SGMS1: variants seen among roughly 807,000 people sequenced by gnomAD.
SGMS1 encodes sphingomyelin synthase 1.
In SGMS1, 13 loss-of-function variants were observed where a neutral mutation model predicts 46.2. The ratio of observed to expected loss-of-function variants is 0.28; its 90% confidence interval spans 0.18 to 0.45. SGMS1 has a LOEUF of 0.45. SGMS1 is among the 20% of genes least tolerant of loss of function. SGMS1 has a pLI of 1.00. For missense variants in SGMS1, 324 were observed against 519.9 expected (o/e 0.62, Z 3.66); for synonymous variants, 203 against 187.8 (o/e 1.08, Z -0.66).
chr10:50,368,524 T>G (rs937843232), intron 6 of SGMS1, among the ~76,000 whole-genome samples: 1 of 152,190 alleles, frequency 6.6e-6, no homozygotes, highest in Non-Finnish European at 1.5e-5. Flanking sequence ...GCCCAGCTAA[T>G]TTTTGTATTT....
chr10:50,509,368 A>C (rs1393521016), intron 3 of SGMS1, among the ~76,000 whole-genome samples: 1 of 152,210 alleles, frequency 6.6e-6, no homozygotes, highest in Non-Finnish European at 1.5e-5. Flanking sequence ...TTAGAGAGTG[A>C]TTAAATTAGC....
In SGMS1 at chr10:50,308,938, T is replaced by A. The variant is rs542039566; in HGVS notation, c.896-790A>T. 3.3e-4 allele frequency among the ~76,000 whole-genome samples: 50 copies of A among 152,320 alleles called. 1 individual carries two copies. The East Asian group carries it at 9.1e-3, about 28-fold the overall frequency. On this transcript the variant is annotated intron_variant, in intron 9 of 10. Transcript: ENST00000361781. Reference sequence around the variant, plus strand: ...AATGGGTCCAAGAACCAGTCATTCATTCAACCAATATTCATTGAGCCTCTT... The same window carrying A: ...AATGGGTCCAAGAACCAGTCATTCAATCAACCAATATTCATTGAGCCTCTT...
At chr10:50,504,706 T>G (rs1242690427) in intron 3 of SGMS1, among the ~76,000 whole-genome samples, 3 of 152,214 alleles carry the variant, frequency 2.0e-5, no homozygotes, top group Non-Finnish European at 2.9e-5. Context: ...GTTCATTTTT[T>G]TTTTAAAGTA....
chr10:50,443,137 G>C (rs11005708), intron 5 of SGMS1, among the ~76,000 whole-genome samples: 19,944 of 152,160 alleles, frequency 0.13, 1,430 homozygotes, highest in Middle Eastern at 0.21. Context: ...CTCAGCTGGA[G>C]AGAACAAATA....
chr10:50,427,378 AAC>A (rs1283721058), intron 6 of SGMS1, among the ~76,000 whole-genome samples: 1 of 152,206 alleles, frequency 6.6e-6, no homozygotes, highest in Non-Finnish European at 1.5e-5. Flanking sequence ...CAGCCTGTGT[AAC>A]AGAGCGAGAC....
At chr10:50,533,201 C>A (rs187532765) in intron 2 of SGMS1, among the ~76,000 whole-genome samples, 1 of 152,082 alleles carries the variant, frequency 6.6e-6, no homozygotes, top group Non-Finnish European at 1.5e-5. Flanking sequence ...GCAATCTCAC[C>A]GAAATCTTTG....
chr10:50,358,965 GA>G (rs1387111875), intron 6 of SGMS1, among the ~76,000 whole-genome samples: 1 of 152,192 alleles, frequency 6.6e-6, no homozygotes, highest in Non-Finnish European at 1.5e-5. Flanking sequence ...CTACTGTTGA[GA>G]AAATTTTAGA....
At chr10:50,377,221 C>G (rs2133462040) in intron 6 of SGMS1, among the ~76,000 whole-genome samples, 1 of 152,276 alleles carries the variant, frequency 6.6e-6, no homozygotes, top group Middle Eastern at 3.4e-3. Flanking sequence ...CAAAACATGT[C>G]AGAAGGCATC....
At chr10:50,423,013 T>G (rs1451494097) in intron 6 of SGMS1, among the ~76,000 whole-genome samples, 1 of 152,216 alleles carries the variant, frequency 6.6e-6, no homozygotes, top group African/African-American at 2.4e-5. Flanking sequence ...AAATTGCCCA[T>G]GACAAAAGCA....
At chr10:50,470,211 A>G (rs936254613) in intron 3 of SGMS1, among the ~76,000 whole-genome samples, 2 of 152,146 alleles carry the variant, frequency 1.3e-5, no homozygotes, top group Admixed American at 6.5e-5. Context: ...GAGACCAGGA[A>G]GAGCACTCCA....
intron 8 of SGMS1, among the ~76,000 whole-genome samples, chr10:50,315,340 T>G (rs1164732955): frequency 6.6e-6 from 1 of 152,204 alleles, no homozygotes; most frequent in East Asian, 1.9e-4. Context: ...TTCCACTCTC[T>G]GTCCTGGTGT....
At chr10:50,569,109 A>C (rs936833879) in intron 2 of SGMS1, among the ~76,000 whole-genome samples, 1 of 151,064 alleles carries the variant, frequency 6.6e-6, no homozygotes, top group African/African-American at 2.4e-5. Context: ...CAATGAGAAC[A>C]CATGGTCACA....
chr10:50,435,733 GA>G (rs1331727696), intron 5 of SGMS1, among the ~76,000 whole-genome samples: 3 of 152,130 alleles, frequency 2.0e-5, no homozygotes, highest in African/African-American at 7.2e-5. Flanking sequence ...CAACAGTATG[GA>G]TTTGTCAGTT....
At chr10:50,544,793 C>G (rs1838085942) in intron 2 of SGMS1, among the ~76,000 whole-genome samples, 1 of 152,152 alleles carries the variant, frequency 6.6e-6, no homozygotes, top group Non-Finnish European at 1.5e-5. Flanking sequence ...GTCTCAGAAA[C>G]TCGGTCCCAA....
rs1011606884 is a variant in SGMS1, at chr10:50,315,046, C to T, written c.742-3631G>A. ...CCTGCTGTAAATGCATTCTCAGGTCCCAAGGTAGACCAGTGAACCAGAATC... is the reference window on the plus strand; with the variant it reads ...CCTGCTGTAAATGCATTCTCAGGTCTCAAGGTAGACCAGTGAACCAGAATC... On this transcript the variant is annotated intron_variant, in intron 8 of 10. Transcript: ENST00000361781. Among the ~76,000 whole-genome samples, 19 of 152,148 alleles carry T rather than the reference C, an allele frequency of 1.2e-4. No individual in the cohort carries two copies. The Middle Eastern group carries it at 0.01, about 82-fold the overall frequency.
intron 5 of SGMS1, among the ~76,000 whole-genome samples, chr10:50,442,980 C>A (rs954500306): frequency 4.6e-5 from 7 of 152,168 alleles, no homozygotes; most frequent in Admixed American, 1.3e-4. Context: ...TCCTGCTTTA[C>A]TATTCAAACT....
intron 8 of SGMS1, among the ~76,000 whole-genome samples, chr10:50,319,762 A>G (rs929105269): frequency 2.0e-5 from 3 of 152,114 alleles, no homozygotes; most frequent in African/African-American, 7.2e-5. Flanking sequence ...ACCTGATGTC[A>G]TTTGTCCTTC....
intron 1 of SGMS1, among the ~76,000 whole-genome samples, chr10:50,602,713 C>G (rs1838659761): frequency 6.6e-6 from 1 of 152,130 alleles, no homozygotes; most frequent in Non-Finnish European, 1.5e-5. Context: ...TTTGATAAAA[C>G]TGGAAGCTGG....
At chr10:50,544,694 A>G (rs1205644850) in intron 2 of SGMS1, among the ~76,000 whole-genome samples, 1 of 152,310 alleles carries the variant, frequency 6.6e-6, no homozygotes, top group South Asian at 2.1e-4. Flanking sequence ...AAATATTTTG[A>G]AGATATGAGA....
Sources: allele counts gnomAD v4.1 joint callset (sites outside exome capture counted in the v4.1 genomes callset), GRCh38; gene constraint gnomAD v4.1.1; transcripts MANE v1.5; gene names NCBI Gene and HGNC (gene_info 2026-07-23, HGNC 2026-07-21).